The following ADAMTSL1 variants were observed in gnomAD, a reference collection of about 807,000 sequenced individuals.
The protein encoded by ADAMTSL1 is ADAMTS like 1.
In ADAMTSL1, 126 loss-of-function variants were observed where a neutral mutation model predicts 201.8. The observed-to-expected ratio is 0.62, with a 90% CI of 0.54 to 0.72. The LOEUF is 0.72. ADAMTSL1 is among the 30% of genes least tolerant of loss of function. ADAMTSL1 has a pLI of 0.00. For missense variants in ADAMTSL1, 2,679 were observed against 2,277.8 expected (o/e 1.18, Z -3.59); for synonymous variants, 1,121 against 903.4 (o/e 1.24, Z -4.32).
In ADAMTSL1 at chr9:18,654,612, A is replaced by G. The variant is rs556844609; in HGVS notation, c.835-3027A>G. On this transcript the variant is annotated intron_variant, in intron 7 of 28. Coordinates refer to ENST00000380548, the MANE Select transcript of ADAMTSL1 (RefSeq NM_001040272.6). ...TTATTTCAAAATTAGGTATTTATAG[A>G]TATATAACTGCTATAAGGAAGATTT... 2.6e-5 allele frequency among the ~76,000 whole-genome samples: 4 copies of G among 152,320 alleles called. No homozygotes were observed. The East Asian group carries it at 5.8e-4, about 22-fold the overall frequency.
At chr9:18,757,011 A>C (rs567599337) in intron 16 of ADAMTSL1, among the ~76,000 whole-genome samples, 1 of 144,896 alleles carries the variant, frequency 6.9e-6, no homozygotes, top group East Asian at 2.1e-4. Flanking sequence ...ATGGAGTTCA[A>C]GTATTGATGT....
intron 2 of ADAMTSL1, among the ~76,000 whole-genome samples, chr9:18,453,867 T>C (rs538679571): frequency 1.3e-5 from 2 of 152,304 alleles, no homozygotes; most frequent in African/African-American, 4.8e-5. Flanking sequence ...TTTGATCTAA[T>C]CAGATTAGTG....
At chr9:18,567,482 G>A (rs1226430640) in intron 3 of ADAMTSL1, among the ~76,000 whole-genome samples, 1 of 152,068 alleles carries the variant, frequency 6.6e-6, no homozygotes, top group Non-Finnish European at 1.5e-5. Flanking sequence ...AAAGGTTTTG[G>A]CCTGAAGAGT....
At chr9:18,133,079 C>T (rs1409838549) in intron 1 of ADAMTSL1, among the ~76,000 whole-genome samples, 4 of 151,958 alleles carry the variant, frequency 2.6e-5, no homozygotes. Context: ...CAGACACTTC[C>T]AGGAATAAGA....
intron 1 of ADAMTSL1, among the ~76,000 whole-genome samples, chr9:18,041,101 C>A (rs1030825685): frequency 1.3e-5 from 2 of 152,150 alleles, no homozygotes; most frequent in Non-Finnish European, 2.9e-5. Flanking sequence ...GCTGAAGGAG[C>A]ATCAGAAGCT....
At chr9:18,432,850 G>C (rs989433738) in intron 2 of ADAMTSL1, among the ~76,000 whole-genome samples, 1 of 152,150 alleles carries the variant, frequency 6.6e-6, no homozygotes, top group Admixed American at 6.5e-5. Context: ...ACCTTTAGTT[G>C]TGGGATTTAG....
chr9:18,721,617 G>T lies in ADAMTSL1; in HGVS notation c.1958G>T (p.Arg653Leu). The change falls in exon 15 of 29, where the codon CGG becomes CTG. Residue 653 changes from arginine to leucine, a missense_variant. By Grantham distance (102) the Arg-to-Leu change is moderately radical. Transcript: ENST00000380548. ...AEENLCVTSR[R>L]PPQLLKSCNL... is the part of the protein sequence containing the mutation. ...GAGAACCTGTGCGTGACCAGCCGCC[G>T]GCCCCCACAGCTCCTGAAGTCCTGC... 6.2e-7 allele frequency: 1 copy of T among 1,613,964 alleles called. No individual in the cohort carries two copies. Among genetic ancestry groups the T allele is most frequent in the Non-Finnish European group, 8.5e-7 (1 of 1,179,874 alleles).
intron 2 of ADAMTSL1, among the ~76,000 whole-genome samples, chr9:18,405,019 CT>C (rs1306812853): frequency 6.6e-6 from 1 of 152,126 alleles, no homozygotes; most frequent in African/African-American, 2.4e-5. Context: ...TTGAATCTCC[CT>C]TTTCCTTTAT....
chr9:18,698,049 T>C (rs536140740), intron 13 of ADAMTSL1, among the ~76,000 whole-genome samples: 10 of 152,374 alleles, frequency 6.6e-5, no homozygotes, highest in African/African-American at 1.9e-4. Context: ...TGTTCAGATT[T>C]AATAACTTTT....
intron 1 of ADAMTSL1, among the ~76,000 whole-genome samples, chr9:17,969,931 A>G (rs549331278): frequency 6.6e-6 from 1 of 152,224 alleles, no homozygotes; most frequent in African/African-American, 2.4e-5. Flanking sequence ...TTTTAAATAT[A>G]GAATCATAAA....
intron 1 of ADAMTSL1, among the ~76,000 whole-genome samples, chr9:17,941,679 T>C (rs1238644991): frequency 6.6e-6 from 1 of 152,144 alleles, no homozygotes; most frequent in Non-Finnish European, 1.5e-5. Flanking sequence ...TAGTCATATG[T>C]ATGTGTAAGT....
chr9:18,795,720 C>A (rs1822382169), intron 20 of ADAMTSL1, among the ~76,000 whole-genome samples, 196 bp downstream of exon 20: 1 of 152,110 alleles, frequency 6.6e-6, no homozygotes, highest in African/African-American at 2.4e-5. Flanking sequence ...AAATAGTATG[C>A]AAGGACAGTA....
intron 1 of ADAMTSL1, among the ~76,000 whole-genome samples, chr9:18,081,800 A>G (rs1237036886): frequency 1.3e-5 from 2 of 152,230 alleles, no homozygotes; most frequent in Non-Finnish European, 1.5e-5. Flanking sequence ...TTAAACAAGA[A>G]TATGTAAGCG....
intron 1 of ADAMTSL1, among the ~76,000 whole-genome samples, chr9:17,986,284 A>G (rs1179177715): frequency 6.6e-6 from 1 of 152,000 alleles, no homozygotes; most frequent in Non-Finnish European, 1.5e-5. Flanking sequence ...TTCTGCAATG[A>G]CCACCTACTC....
At chr9:18,509,077 G>C (rs982465277) in intron 2 of ADAMTSL1, among the ~76,000 whole-genome samples, 1 of 130,542 alleles carries the variant, frequency 7.7e-6, no homozygotes, top group African/African-American at 3.2e-5. Context: ...CCAGCTACTC[G>C]GGAGGCTGAG....
At chr9:18,267,184 G>C (rs1832151274) in intron 2 of ADAMTSL1, among the ~76,000 whole-genome samples, 1 of 152,126 alleles carries the variant, frequency 6.6e-6, no homozygotes, top group Non-Finnish European at 1.5e-5. Flanking sequence ...TTTGAATCAT[G>C]TCCGGACTCC....
intron 13 of ADAMTSL1, among the ~76,000 whole-genome samples, chr9:18,693,286 G>A (rs892409748): frequency 6.6e-6 from 1 of 152,140 alleles, no homozygotes; most frequent in African/African-American, 2.4e-5. Context: ...ATATTTCACT[G>A]AAGTGTGATA....
chr9:18,821,871 C>G (rs1348054836), intron 21 of ADAMTSL1, among the ~76,000 whole-genome samples: 1 of 152,136 alleles, frequency 6.6e-6, no homozygotes. Context: ...ATCCAGTTAA[C>G]AAGAATACCC....
At chr9:18,518,069 C>A (rs1004988232) in intron 2 of ADAMTSL1, among the ~76,000 whole-genome samples, 2 of 152,246 alleles carry the variant, frequency 1.3e-5, no homozygotes, top group Non-Finnish European at 2.9e-5. Flanking sequence ...TAACAGTACA[C>A]CAAGCATGTT....
Sources: gnomAD v4.1 joint callset for allele counts (sites outside exome capture counted in the v4.1 genomes callset) on GRCh38, gnomAD v4.1.1 for gene constraint, MANE v1.5 for transcripts, NCBI Gene and HGNC (gene_info 2026-07-23, HGNC 2026-07-21) for gene names.